CFAP54: variants seen among roughly 807,000 people sequenced by gnomAD.
CFAP54 encodes the protein cilia- and flagella-associated protein 54.
In CFAP54, 290 loss-of-function variants were observed where a neutral mutation model predicts 370.4. The ratio of observed to expected loss-of-function variants is 0.78; its 90% CI spans 0.71 to 0.86. The LOEUF is 0.86. Ranked by LOEUF, CFAP54 falls within the 40% of genes least tolerant of loss-of-function variation. CFAP54 has a pLI of 0.00. For missense variants in CFAP54, 3,399 were observed against 3,528.7 expected, an observed-to-expected ratio of 0.96 and a Z score of 0.93; for synonymous variants, 1,206 against 1,236.5, an observed-to-expected ratio of 0.98 and a Z score of 0.52.
chr12:96,508,995 A>G (rs1165435453), intron 4 of CFAP54, among the ~76,000 whole-genome samples: 1 of 152,138 alleles, frequency 6.6e-6, no homozygotes, highest in Non-Finnish European at 1.5e-5. Flanking sequence ...AGTTTCAGTA[A>G]CTACTCTTCC....
intron 36 of CFAP54, among the ~76,000 whole-genome samples, chr12:96,655,185 A>G (rs1408519880): frequency 6.6e-6 from 1 of 151,492 alleles, no homozygotes; most frequent in Non-Finnish European, 1.5e-5. Context: ...AGACCCATAT[A>G]TATGGTTTTT....
intron 9 of CFAP54, among the ~76,000 whole-genome samples, chr12:96,529,620 T>C (rs1184936815): frequency 6.6e-6 from 1 of 152,238 alleles, no homozygotes; most frequent in African/African-American, 2.4e-5. Flanking sequence ...AAACACTTTT[T>C]CATATACTTT....
intron 39 of CFAP54, among the ~76,000 whole-genome samples, chr12:96,664,785 A>ATCTATATC (rs1565934533): frequency 0.011 from 280 of 26,238 alleles, 4 homozygotes; most frequent in Non-Finnish European, 0.014. Flanking sequence ...ATCTATATAT[A>ATCTATATC]TATATATATA....
intron 50 of CFAP54, among the ~76,000 whole-genome samples, chr12:96,725,358 G>A (rs1421191776): frequency 1.3e-5 from 2 of 152,002 alleles, no homozygotes; most frequent in African/African-American, 2.4e-5. Context: ...TCATTGAGCA[G>A]TGGTTTGTAG....
At chr12:96,788,653 T>G (rs1247840020) in intron 62 of CFAP54, among the ~76,000 whole-genome samples, 1 of 152,140 alleles carries the variant, frequency 6.6e-6, no homozygotes, top group Non-Finnish European at 1.5e-5. Context: ...TTGGGTAGAT[T>G]AAATTATACA....
chr12:96,558,098 A>G (rs1403681878), intron 17 of CFAP54, among the ~76,000 whole-genome samples: 3 of 152,152 alleles, frequency 2.0e-5, no homozygotes, highest in African/African-American at 7.2e-5. Context: ...GATGTAAGTT[A>G]CTGCTAATGT....
intron 51 of CFAP54, among the ~76,000 whole-genome samples, chr12:96,740,302 AT>A (rs1958036913): frequency 1.3e-5 from 2 of 152,372 alleles, no homozygotes; most frequent in South Asian, 4.1e-4. Context: ...GGATATAATA[AT>A]TACTAAAGTC....
intron 40 of CFAP54, among the ~76,000 whole-genome samples, chr12:96,681,799 A>G (rs1247723461): frequency 1.3e-5 from 2 of 151,998 alleles, no homozygotes; most frequent in Non-Finnish European, 2.9e-5. Context: ...AGGTTTCACC[A>G]TGTTGGCCAG....
intron 15 of CFAP54, among the ~76,000 whole-genome samples, chr12:96,552,905 A>G (rs965535106): frequency 3.9e-5 from 6 of 152,200 alleles, no homozygotes; most frequent in African/African-American, 1.4e-4. Flanking sequence ...ATGAATTTGT[A>G]ATTCAGAAGA....
intron 48 of CFAP54, among the ~76,000 whole-genome samples, chr12:96,710,485 G>A (rs1957598419): frequency 6.6e-6 from 1 of 152,090 alleles, no homozygotes. Flanking sequence ...TGGTCTTGGG[G>A]TGATTAGGGC....
Position 96,657,989 on chromosome 12 carries a change from T to C in CFAP54, c.5208T>C (p.Asn1736=). Residue 1736 remains asparagine (N), a synonymous_variant, in exon 37 of 68, where the codon AAT becomes AAC. Transcript: ENST00000524981. ...TTGAGCATCCTTTGGATGATGTAAA[T>C]GTGGTTGATTTGAAATGGATCCACG... ...LTFEHPLDDV[N]VVDLKWIHDF... is the part of the protein sequence containing the mutation. 6.2e-7 allele frequency: 1 copy of C among 1,613,802 alleles called. No individual in the cohort carries two copies. The highest frequency in any genetic ancestry group is 8.5e-7 in the Non-Finnish European group (1 of 1,179,752).
rs761475821 is a variant in CFAP54, at chr12:96,753,856, G to A, written c.7798G>A (p.Val2600Met). Residue 2600 changes from valine (V) to methionine (M), a missense_variant, in exon 56 of 68, where the codon GTG (valine) becomes ATG (methionine). Around this residue, in one of 3 missense-constraint regions of CFAP54, gnomAD observed 2,796 missense variants for 2,869.7 expected, o/e 0.97. Coordinates refer to ENST00000524981, the MANE Select transcript of CFAP54 (RefSeq NM_001306084.2). ...ACTGAAGCTCTGTAGAACAACAGCA[G>A]TGGAGGAACATGAGGTGGAAGCTGA... ...VALKLCRTTAVEEHEVEAEIL... is the reference protein window; with the variant it reads ...VALKLCRTTAMEEHEVEAEIL... 1.2e-6 allele frequency: 2 copies of A among 1,613,906 alleles called. No individual in the cohort carries two copies. The highest frequency in any genetic ancestry group is 2.2e-5 in the East Asian group (1 of 44,864).
chr12:96,786,912 A>C lies in CFAP54; in HGVS notation c.8679+14A>C. 1 of 1,488,798 alleles carries C rather than the reference A, an allele frequency of 6.7e-7. No individual in the cohort carries two copies. The highest frequency in any genetic ancestry group is 9.0e-7 in the Non-Finnish European group (1 of 1,111,032). The allele number at this position is 1,488,798 out of a possible 1,614,324, so 92.2% of individuals were successfully genotyped here. ...TCATCTGCCAAGGTAACGTTTTTTG[A>C]AACATGATATATTTACATAAAACTT... On this transcript the variant is annotated intron_variant, in intron 62 of 67. Transcript: ENST00000524981.
In CFAP54 at chr12:96,764,202, G is replaced by T; in HGVS notation, c.8092G>T (p.Glu2698Ter). The T allele has an allele frequency of 6.2e-7, 1 of 1,613,338 alleles. No individual in the cohort carries two copies. Among genetic ancestry groups the T allele is most frequent in the Non-Finnish European group, 8.5e-7 (1 of 1,179,698 alleles). ...SVKETSANKF[E>*]MYSSLAWIAI... Reference sequence around the variant, plus strand: ...TAAAGAAACATCAGCAAATAAATTTGAAATGTACAGTTCATTAGCCTGGAT... The same window carrying T: ...TAAAGAAACATCAGCAAATAAATTTTAAATGTACAGTTCATTAGCCTGGAT... The change falls in exon 59 of 68, where the codon GAA (glutamate) becomes TAA (stop). Residue 2698 changes from glutamate to a stop codon, truncating the protein, a stop_gained. Coordinates refer to ENST00000524981, the MANE Select transcript of CFAP54 (RefSeq NM_001306084.2). LOFTEE classifies it high-confidence loss of function.
intron 26 of CFAP54, among the ~76,000 whole-genome samples, chr12:96,613,426 T>C (rs571791526): frequency 9.2e-5 from 14 of 152,134 alleles, no homozygotes; most frequent in Non-Finnish European, 1.9e-4. Flanking sequence ...AGGAAAGATC[T>C]AAAATTGACA....
intron 13 of CFAP54, among the ~76,000 whole-genome samples, chr12:96,539,063 G>GTTTTTTTTT (rs1565889464): frequency 2.9e-5 from 3 of 102,324 alleles, no homozygotes; most frequent in African/African-American, 1.1e-4. Flanking sequence ...GGCCTTTTCA[G>GTTTTTTTTT]GTTTTTTTTT....
chr12:96,581,127 T>G (rs765851844), intron 22 of CFAP54, 22 bp downstream of exon 22: 2 of 1,403,928 alleles, frequency 1.4e-6, no homozygotes, highest in Admixed American at 3.0e-5. Context: ...TTCTGCTAAT[T>G]TTTTCCACTG....
chr12:96,841,659 C>G (rs936597088), intron 66 of CFAP54, among the ~76,000 whole-genome samples: 8 of 152,228 alleles, frequency 5.3e-5, no homozygotes, highest in African/African-American at 1.2e-4. Flanking sequence ...GTCCTTTTCT[C>G]AACCACTTGT....
chr12:96,817,980 A>G lies in CFAP54; in HGVS notation c.9096+67A>G, dbSNP rs1267002151. On this transcript the variant is annotated intron_variant, in intron 65 of 67. Transcript: ENST00000524981. ...TCTTTTATATCCTCAAAGCAGAACT[A>G]TGTAACTGGACTTAAACTCTGTAAT... The G allele has an allele frequency of 1.3e-5, 15 of 1,128,172 alleles. No individual in the cohort carries two copies. In the East Asian group the frequency reaches 1.4e-4, roughly 10 times the overall value. The allele number at this position is 1,128,172 out of a possible 1,614,324, so 69.9% of individuals were successfully genotyped here. A position where few individuals can be genotyped will look rare whatever the true frequency, so the allele number is the denominator to read the frequency against.
Sources: gnomAD v4.1 joint callset for allele counts (sites outside exome capture counted in the v4.1 genomes callset) on GRCh38, gnomAD v4.1.1 for gene constraint, gnomAD v4.1.1 regional missense constraint, MANE v1.5 for transcripts, NCBI Gene and HGNC (gene_info 2026-07-23, HGNC 2026-07-21) for gene names.